The following TULP4 variants were observed in gnomAD, a reference collection of about 807,000 sequenced individuals.
TULP4 encodes the protein TUB like protein 4, also known as tubby-related protein 4.
Under a neutral mutation model 129.0 loss-of-function variants are expected in TULP4, and 16 were observed. The ratio of observed to expected loss-of-function variants is 0.12; its 90% CI spans 0.08 to 0.19. The LOEUF (loss-of-function observed/expected upper bound fraction) is 0.19. Ranked by LOEUF, TULP4 falls within the 10% of genes least tolerant of loss-of-function variation. TULP4 has a pLI of 1.00. For missense variants in TULP4, 1,842 were observed against 2,059.1 expected (o/e 0.89, Z 2.04); for synonymous variants, 998 against 854.0 (o/e 1.17, Z -2.94).
Position 158,246,023 on chromosome 6 carries a change from G to GGGGTGTGTGTGT in TULP4, n.68+13721_68+13722insGGTGTGTGTGTG, listed in dbSNP as rs113914160. ...GTGAGTAATTTGCCTACCCCTTAGGGGTGTGTGTGTGTGTGTGTGTGTGTG... is the reference window on the plus strand; with the variant it reads ...GTGAGTAATTTGCCTACCCCTTAGGGGGGTGTGTGTGTGTGTGTGTGTGTGTGTGTGTGTGTG... On this transcript the variant is annotated intron_variant and non_coding_transcript_variant, in intron 1 of 1. Transcript: ENST00000620026. 2.2e-3 allele frequency among the ~76,000 whole-genome samples: 317 copies of GGGGTGTGTGTGT among 145,914 alleles called. 1 individual carries two copies. The highest frequency in any genetic ancestry group is 3.5e-3 in the Middle Eastern group (1 of 282).
chr6:158,379,916 G>A (rs555671238), intron 1 of TULP4, among the ~76,000 whole-genome samples: 17 of 152,294 alleles, frequency 1.1e-4, no homozygotes, highest in South Asian at 1.0e-3. Context: ...ATTAAAAACC[G>A]GGGCATCAGA....
At chr6:158,276,072 C>T (rs779365818) in intron 1 of TULP4, among the ~76,000 whole-genome samples, 12 of 152,098 alleles carry the variant, frequency 7.9e-5, no homozygotes, top group Non-Finnish European at 1.6e-4. Flanking sequence ...AGAGTTTAAG[C>T]GACTCTCCTG....
At chr6:158,454,649 A>G (rs1203834306) in intron 5 of TULP4, among the ~76,000 whole-genome samples, 1 of 148,658 alleles carries the variant, frequency 6.7e-6, no homozygotes, top group Non-Finnish European at 1.5e-5. Flanking sequence ...CTTGTTGCCC[A>G]GGCTGGAGTG....
chr6:158,373,401 A>G (rs918996463), intron 1 of TULP4, among the ~76,000 whole-genome samples: 1 of 152,166 alleles, frequency 6.6e-6, no homozygotes. Context: ...TCCTTTGACA[A>G]GCCACCGCTT....
chr6:158,351,894 G>A (rs1170076445), intron 1 of TULP4, among the ~76,000 whole-genome samples: 1 of 151,370 alleles, frequency 6.6e-6, no homozygotes, highest in Non-Finnish European at 1.5e-5. Context: ...GCTAATTTTT[G>A]TATTTTTAGT....
At position 158,509,317 on chromosome 6, in the gene TULP4, A is replaced by G. The variant is rs541718071; in HGVS notation, c.*2623A>G. The G allele has an allele frequency of 1.3e-5, 2 of 151,830 alleles. No homozygotes were observed. Among genetic ancestry groups the G allele is most frequent in the South Asian group, 4.2e-4 (2 of 4,818 alleles). 9.4% of individuals were successfully genotyped at this position (151,830 alleles called of 1,614,324 possible). ...ATACAAAGGAGACTTTTTTTTTGAG[A>G]TAACACTCAAATAGTATTCTCTTCT... On this transcript the variant is annotated 3_prime_UTR_variant, in exon 14 of 14. Coordinates refer to ENST00000367097, the MANE Select transcript of TULP4 (RefSeq NM_020245.5).
At chr6:158,339,417 C>T (rs1780126177) in intron 1 of TULP4, among the ~76,000 whole-genome samples, 1 of 152,154 alleles carries the variant, frequency 6.6e-6, no homozygotes, top group Non-Finnish European at 1.5e-5. Flanking sequence ...TGTCAGCGTT[C>T]AAGAGCAGAG....
At chr6:158,301,682 C>T (rs956664717) in intron 1 of TULP4, among the ~76,000 whole-genome samples, 3 of 152,120 alleles carry the variant, frequency 2.0e-5, no homozygotes, top group African/African-American at 7.2e-5. Context: ...TAGGGGAGTG[C>T]AATGAAGCGA....
chr6:158,370,020 G>A (rs559032893), intron 1 of TULP4, among the ~76,000 whole-genome samples: 1 of 151,650 alleles, frequency 6.6e-6, no homozygotes, highest in South Asian at 2.1e-4. Flanking sequence ...AGGGCAGCAT[G>A]GAGAAACCCC....
chr6:158,503,834 C>T lies in TULP4; in HGVS notation c.4171C>T (p.Leu1391=), dbSNP rs145543020. ...GAAAGTGAAGAGTCAGAAAGACCAACTGAAGTCAAAGAAGTTGAATAAGAC... is the reference window on the plus strand; with the variant it reads ...GAAAGTGAAGAGTCAGAAAGACCAATTGAAGTCAAAGAAGTTGAATAAGAC... ...KKKVKSQKDQ[L]KSKKLNKTNE... The change falls in exon 13 of 14, where the codon CTG becomes TTG. Residue 1391 remains leucine (L), a synonymous_variant. Coordinates refer to ENST00000367097, the MANE Select transcript of TULP4 (RefSeq NM_020245.5). This position sits in a 1 kb window ranked among gnomAD's most constrained non-coding sequence, Gnocchi z 4.3. 3.7e-6 allele frequency: 6 copies of T among 1,614,116 alleles called. No homozygotes were observed. In the South Asian group the frequency reaches 4.4e-5, roughly 12 times the overall value.
chr6:158,501,821 C>A lies in TULP4; in HGVS notation c.2158C>A (p.Gln720Lys). The stretch of plus-strand genomic sequence containing the variant: ...GTCCCTACTGGCCAATCAGAATGTG[C>A]AGCTAGATGTCCTGACCAACCAGAC... ...VQSLLANQNV[Q>K]LDVLTNQTTA... The change falls in exon 13 of 14, where the codon CAG becomes AAG. Residue 720 changes from glutamine (Q) to lysine (K), a missense_variant. Transcript: ENST00000367097. The A allele has an allele frequency of 1.2e-6, 2 of 1,614,146 alleles. No individual in the cohort carries two copies. The highest frequency in any genetic ancestry group is 2.7e-5 in the African/African-American group (2 of 75,026).
chr6:158,259,685 A>T (rs1778314847), intron 1 of TULP4, among the ~76,000 whole-genome samples: 1 of 152,220 alleles, frequency 6.6e-6, no homozygotes, highest in South Asian at 2.1e-4. Context: ...GAGTTCTGCA[A>T]GGCTGCTCTC....
rs1780660570 is a variant in TULP4, at chr6:158,508,741, G to T, written c.*2047G>T. ...AATTATTTATCTTGCTTTTCATAGT[G>T]TTCTTAGGAATTATTTTGTTGTTAC... On this transcript the variant is annotated 3_prime_UTR_variant, in exon 14 of 14. Coordinates refer to ENST00000367097, the MANE Select transcript of TULP4 (RefSeq NM_020245.5). 1 of 152,384 alleles carries T rather than the reference G, an allele frequency of 6.6e-6. No homozygotes were observed. Among genetic ancestry groups the T allele is most frequent in the Non-Finnish European group, 1.5e-5 (1 of 67,998 alleles). The allele number at this position is 152,384 out of a possible 1,614,324, so 9.4% of individuals were successfully genotyped here.
At position 158,312,597 on chromosome 6, in the gene TULP4, T is replaced by C. The variant is rs1316873428; in HGVS notation, c.-1420T>C. 1 of 153,206 alleles carries C rather than the reference T, an allele frequency of 6.5e-6. No homozygotes were observed. Among genetic ancestry groups the C allele is most frequent in the Admixed American group, 6.5e-5 (1 of 15,318 alleles). The allele number at this position is 153,206 out of a possible 1,614,324, so 9.5% of individuals were successfully genotyped here. A position where few individuals can be genotyped will look rare whatever the true frequency, so the allele number is the denominator to read the frequency against. On this transcript the variant is annotated 5_prime_UTR_variant, in exon 1 of 14. Coordinates refer to ENST00000367097, the MANE Select transcript of TULP4 (RefSeq NM_020245.5). ...ATGGCTAGAGGAAAGCAAGTTCAAG[T>C]ATGATGGGACAAGTTTGAATAATGA...
intron 1 of TULP4, among the ~76,000 whole-genome samples, chr6:158,296,843 T>G (rs535579797): frequency 7.6e-4 from 116 of 151,942 alleles, no homozygotes; most frequent in African/African-American, 2.6e-3. Flanking sequence ...GGGAAAAGAT[T>G]ACATGCTTTA....
chr6:158,503,527 G>C lies in TULP4; in HGVS notation c.3864G>C (p.Glu1288Asp). Residue 1288 changes from glutamate (E) to aspartate (D), a missense_variant, in exon 13 of 14, where the codon GAG becomes GAC. By Grantham distance (45) the Glu-to-Asp change is conservative (BLOSUM62 2). Coordinates refer to ENST00000367097, the MANE Select transcript of TULP4 (RefSeq NM_020245.5). The surrounding 1 kb of genome is among the most constrained non-coding windows in gnomAD (Gnocchi z 4.3). ...TLPPKPHLVV[E>D]KPLVSPPPAD... ...CCCCAAAGCCACACTTGGTGGTGGAGAAGCCCCTTGTGTCCCCACCACCTG... is the reference window on the plus strand; with the variant it reads ...CCCCAAAGCCACACTTGGTGGTGGACAAGCCCCTTGTGTCCCCACCACCTG... 6.2e-7 allele frequency: 1 copy of C among 1,613,950 alleles called. No individual in the cohort carries two copies. Among genetic ancestry groups the C allele is most frequent in the South Asian group, 1.1e-5 (1 of 91,078 alleles).
At chr6:158,470,046 G>A (rs371047107) in intron 6 of TULP4, among the ~76,000 whole-genome samples, 3 of 152,048 alleles carry the variant, frequency 2.0e-5, no homozygotes, top group African/African-American at 2.4e-5. Context: ...ATTAGAAGTC[G>A]TGGGTCACGG....
chr6:158,329,663 G>A (rs1469709469), intron 1 of TULP4, among the ~76,000 whole-genome samples: 1 of 152,028 alleles, frequency 6.6e-6, no homozygotes, highest in East Asian at 1.9e-4. Flanking sequence ...CCATTCACTT[G>A]ATGTTTTTCA....
At chr6:158,380,295 AC>A (rs1475797365) in intron 1 of TULP4, among the ~76,000 whole-genome samples, 1 of 152,214 alleles carries the variant, frequency 6.6e-6, no homozygotes, top group Admixed American at 6.5e-5. Context: ...TCCAAACTGT[AC>A]AGTTCCCTTT....
Sources: allele counts gnomAD v4.1 joint callset (sites outside exome capture counted in the v4.1 genomes callset), GRCh38; gene constraint gnomAD v4.1.1; non-coding constraint Gnocchi (gnomAD v3.1); transcripts MANE v1.5; gene names NCBI Gene and HGNC (gene_info 2026-07-23, HGNC 2026-07-21).